Variants in THADA observed in about 807,000 individuals in gnomAD.
The protein encoded by THADA is THADA armadillo repeat containing.
In THADA, 213 loss-of-function variants were observed where a neutral mutation model predicts 219.8. The ratio of observed to expected loss-of-function variants is 0.97; its 90% CI spans 0.87 to 1.09. The LOEUF (loss-of-function observed/expected upper bound fraction) is 1.09, where lower values mean the gene tolerates loss of function less well. Ranked by LOEUF, THADA falls within the 50% of genes least tolerant of loss-of-function variation. THADA has a pLI of 0.00. For synonymous variants in THADA, 1,018 were observed against 828.9 expected, an observed-to-expected ratio of 1.23 and a Z score of -3.92; for missense variants, 2,956 against 2,311.3, an observed-to-expected ratio of 1.28 and a Z score of -5.72.
At chr2:43,542,857 T>A (rs1446551254) in intron 20 of THADA, among the ~76,000 whole-genome samples, 1 of 152,160 alleles carries the variant, frequency 6.6e-6, no homozygotes, top group Non-Finnish European at 1.5e-5. Context: ...AAGTCTTCTT[T>A]AATTTAATTT....
chr2:43,301,924 A>G (rs1676308969), intron 31 of THADA, among the ~76,000 whole-genome samples: 2 of 152,120 alleles, frequency 1.3e-5, no homozygotes, highest in Non-Finnish European at 2.9e-5. Flanking sequence ...CGTGGTACTT[A>G]TTTTCATTTC....
At chr2:43,539,800 T>C (rs551001380) in intron 21 of THADA, among the ~76,000 whole-genome samples, 4 of 152,226 alleles carry the variant, frequency 2.6e-5, no homozygotes, top group African/African-American at 9.6e-5. Flanking sequence ...TTTGTGATAA[T>C]TGTTTTTTTT....
At chr2:43,349,440 T>TA (rs1202341148) in intron 29 of THADA, among the ~76,000 whole-genome samples, 1 of 152,190 alleles carries the variant, frequency 6.6e-6, no homozygotes, top group African/African-American at 2.4e-5. Context: ...GGCAGTTCCC[T>TA]GAAAAAACTT....
At chr2:43,529,092 G>C (rs1489085821) in intron 21 of THADA, among the ~76,000 whole-genome samples, 2 of 151,968 alleles carry the variant, frequency 1.3e-5, no homozygotes, top group African/African-American at 4.8e-5. Context: ...ATGTCACCCA[G>C]TGGCTTTCCT....
chr2:43,319,328 C>T (rs1678425196), intron 31 of THADA, among the ~76,000 whole-genome samples: 1 of 152,140 alleles, frequency 6.6e-6, no homozygotes, highest in African/African-American at 2.4e-5. Context: ...GAGGCATAAA[C>T]TGGGATTGCT....
Position 43,510,617 on chromosome 2 carries a change from C to T in THADA, c.3375-1837G>A, listed in dbSNP as rs183014870. On this transcript the variant is annotated intron_variant, in intron 22 of 37. Coordinates refer to ENST00000405975, the MANE Select transcript of THADA (RefSeq NM_022065.5). Reference sequence around the variant, plus strand: ...ATTCCTAAGAGTAATTACTTAAGTGCTAATGATATAGATTACTGCCTTCTT... The same window carrying T: ...ATTCCTAAGAGTAATTACTTAAGTGTTAATGATATAGATTACTGCCTTCTT... Among the ~76,000 whole-genome samples the T allele has an allele frequency of 3.4e-3, 507 of 148,604 alleles. 1 individual carries two copies. Among genetic ancestry groups the T allele is most frequent in the South Asian group, 0.013 (60 of 4,704 alleles).
chr2:43,284,165 G>C (rs1471231217), intron 35 of THADA, among the ~76,000 whole-genome samples: 2 of 152,106 alleles, frequency 1.3e-5, no homozygotes, highest in African/African-American at 4.8e-5. Context: ...GAAAACAAGA[G>C]TGAAACTCCA....
intron 21 of THADA, among the ~76,000 whole-genome samples, chr2:43,540,086 T>C (rs1484157936): frequency 6.6e-6 from 1 of 152,218 alleles, no homozygotes; most frequent in African/African-American, 2.4e-5. Context: ...GTTTACTTCT[T>C]AGCAAGATGG....
chr2:43,310,750 CTT>C (rs1324312211), intron 31 of THADA, among the ~76,000 whole-genome samples: 2 of 152,176 alleles, frequency 1.3e-5, no homozygotes, highest in Non-Finnish European at 2.9e-5. Flanking sequence ...AAACTAAAAA[CTT>C]TTGTCCATCA....
At chr2:43,298,098 G>A (rs1417476079) in intron 31 of THADA, among the ~76,000 whole-genome samples, 3 of 100,700 alleles carry the variant, frequency 3.0e-5, no homozygotes, top group East Asian at 2.2e-4. Context: ...TGGGAGGTGT[G>A]CCCAACAGCT....
At chr2:43,560,186 G>A (rs1313495129) in intron 16 of THADA, 48 bp downstream of exon 16, 4 of 1,522,954 alleles carry the variant, frequency 2.6e-6, no homozygotes, top group Non-Finnish European at 3.6e-6. Flanking sequence ...TCTGCTGATA[G>A]AAAGTTTCCA....
chr2:43,292,969 CA>C lies in THADA; in HGVS notation c.4682del (p.Leu1561ArgfsTer9). On this transcript the variant is annotated frameshift_variant, in exon 32 of 38. Coordinates refer to ENST00000405975, the MANE Select transcript of THADA (RefSeq NM_022065.5). LOFTEE classifies it high-confidence loss of function. Reference sequence around the variant, plus strand: ...CTAAGAACTTTTCCAAGAGGGCTTCCAGTGTTAGTGAGCGCACTTCAGGGAA... The same window carrying C: ...CTAAGAACTTTTCCAAGAGGGCTTCCGTGTTAGTGAGCGCACTTCAGGGAA... Reference protein sequence around the residue: ...SAFPEVRSLTLEALLEKFLAA... With the variant: ...SAFPEVRSLTXEALLEKFLAA... 1 of 1,614,020 alleles carries C rather than the reference CA, an allele frequency of 6.2e-7. No homozygotes were observed. The highest frequency in any genetic ancestry group is 8.5e-7 in the Non-Finnish European group (1 of 1,179,896).
chr2:43,398,576 T>C (rs561932335), intron 28 of THADA, among the ~76,000 whole-genome samples: 5 of 152,066 alleles, frequency 3.3e-5, no homozygotes, highest in African/African-American at 1.2e-4. Context: ...CGAGACAGTA[T>C]AGGAAAAGTG....
In THADA at chr2:43,573,712, ATAC is replaced by A. The variant is rs146156632; in HGVS notation, c.1729+621_1729+623del. ...ATATTTCTTAAAATTATGCTGTACGATACTACATTCTTGCTTTGTTAAACAGAA... is the reference window on the plus strand; with the variant it reads ...ATATTTCTTAAAATTATGCTGTACGATACATTCTTGCTTTGTTAAACAGAA... On this transcript the variant is annotated intron_variant, in intron 11 of 37. Transcript: ENST00000405975. Among the ~76,000 whole-genome samples, 692 of 152,374 alleles carry A rather than the reference ATAC, an allele frequency of 4.5e-3. 7 individuals carry two copies. Among genetic ancestry groups the A allele is most frequent in the African/African-American group, 0.016 (650 of 41,590 alleles).
intron 36 of THADA, among the ~76,000 whole-genome samples, chr2:43,236,091 G>C (rs1375974736): frequency 6.6e-6 from 1 of 152,162 alleles, no homozygotes; most frequent in East Asian, 1.9e-4. Flanking sequence ...TTACAGGCGT[G>C]AGCCACCACG....
intron 26 of THADA, among the ~76,000 whole-genome samples, chr2:43,464,794 C>A (rs944605176): frequency 6.6e-6 from 1 of 152,104 alleles, no homozygotes; most frequent in African/African-American, 2.4e-5. Flanking sequence ...CTCCACTATC[C>A]ACTCCTCCTG....
Position 43,590,817 on chromosome 2 carries a change from T to A in THADA, c.302+7A>T, listed in dbSNP as rs1701479744. On this transcript the variant is annotated splice_region_variant and intron_variant, in intron 4 of 37. Transcript: ENST00000405975. ...TAACACCCAACTTCCCTTCCTTTTTTTCTTACCTTGCCAATACTTTCTTCA... is the reference window on the plus strand; with the variant it reads ...TAACACCCAACTTCCCTTCCTTTTTATCTTACCTTGCCAATACTTTCTTCA... 1 of 1,610,522 alleles carries A rather than the reference T, an allele frequency of 6.2e-7. No homozygotes were observed. The highest frequency in any genetic ancestry group is 8.5e-7 in the Non-Finnish European group (1 of 1,178,928).
At chr2:43,426,680 C>T (rs1238126008) in intron 28 of THADA, among the ~76,000 whole-genome samples, 1 of 152,164 alleles carries the variant, frequency 6.6e-6, no homozygotes, top group Non-Finnish European at 1.5e-5. Context: ...CATGCCAGAA[C>T]CTCATGTTTA....
At chr2:43,245,172 C>CT (rs200036949) in intron 36 of THADA, among the ~76,000 whole-genome samples, 5,599 of 103,034 alleles carry the variant, frequency 0.054, 463 homozygotes, top group Middle Eastern at 0.11. Context: ...CTTTCTTCTT[C>CT]TTTTTTTTTT....
Sources: gnomAD v4.1 joint callset for allele counts (sites outside exome capture counted in the v4.1 genomes callset) on GRCh38, gnomAD v4.1.1 for gene constraint, MANE v1.5 for transcripts, NCBI Gene and HGNC (gene_info 2026-07-23, HGNC 2026-07-21) for gene names.